DPP6: variants seen among roughly 807,000 people sequenced by gnomAD.
DPP6 encodes dipeptidyl peptidase like 6.
Under a neutral mutation model 122.6 loss-of-function variants are expected in DPP6, and 69 were observed. The ratio of observed to expected loss-of-function variants is 0.56; its 90% CI spans 0.46 to 0.69. The LOEUF is 0.69. Ranked by LOEUF, DPP6 falls within the 30% of genes least tolerant of loss-of-function variation. The probability of loss-of-function intolerance (pLI) is 0.00; values close to 1 mark genes in which losing one functional copy is unlikely to be tolerated. For synonymous variants in DPP6, 418 were observed against 433.1 expected (o/e 0.97, Z 0.43); for missense variants, 928 against 1,116.9 (o/e 0.83, Z 2.41).
rs529221895 is a variant in DPP6, at chr7:154,830,295, C to A, written c.1666+23183C>A. Among the ~76,000 whole-genome samples, 10 of 152,274 alleles carry A rather than the reference C, an allele frequency of 6.6e-5. No individual in the cohort carries two copies. In the East Asian group the frequency reaches 1.9e-3, roughly 29 times the overall value. On this transcript the variant is annotated intron_variant, in intron 16 of 25. Transcript: ENST00000377770. ...TGCTCTCACAAGGTCTCTGCTCAGC[C>A]ACTAATTGCCACAAGTTCCAGGAAG...
chr7:154,398,730 C>G (rs184815800), intron 1 of DPP6, among the ~76,000 whole-genome samples: 5 of 152,184 alleles, frequency 3.3e-5, no homozygotes, highest in African/African-American at 1.2e-4. Flanking sequence ...CCCAGAGTAC[C>G]AGACTCTGGT....
At position 154,823,233 on chromosome 7, in the gene DPP6, A is replaced by G. The variant is rs140331379; in HGVS notation, c.1666+16121A>G. 8.5e-5 allele frequency among the ~76,000 whole-genome samples: 13 copies of G among 152,358 alleles called. No homozygotes were observed. The East Asian group carries it at 2.5e-3, about 29-fold the overall frequency. Reference sequence around the variant, plus strand: ...CACTGATTTAATTTTTTAAACAGAAATGTTGTAAACAATGAAAGAGAATCA... The same window carrying G: ...CACTGATTTAATTTTTTAAACAGAAGTGTTGTAAACAATGAAAGAGAATCA... On this transcript the variant is annotated intron_variant, in intron 16 of 25. Coordinates refer to ENST00000377770, the MANE Select transcript of DPP6 (RefSeq NM_130797.4).
At chr7:154,810,875 C>T (rs186147625) in intron 16 of DPP6, among the ~76,000 whole-genome samples, 200 of 152,290 alleles carry the variant, frequency 1.3e-3, no homozygotes, top group African/African-American at 4.7e-3. Context: ...TGCCTGGATC[C>T]CTATAATAAT....
At chr7:153,858,019 T>A in the DPP6 span, among the ~76,000 whole-genome samples, 3 of 152,236 alleles carry the variant, frequency 2.0e-5, no homozygotes, top group East Asian at 5.8e-4. Flanking sequence ...ATTTACATAC[T>A]GATGTACTTG....
At chr7:154,868,247 T>C (rs1436090416) in intron 18 of DPP6, among the ~76,000 whole-genome samples, 154 bp downstream of exon 18, 1 of 152,156 alleles carries the variant, frequency 6.6e-6, no homozygotes, top group African/African-American at 2.4e-5. Context: ...TGGAGTGTCT[T>C]GTGTTCAGAA....
intron 3 of DPP6, among the ~76,000 whole-genome samples, chr7:154,521,616 A>G (rs1826988236): frequency 6.6e-6 from 1 of 152,222 alleles, no homozygotes; most frequent in Admixed American, 6.5e-5. Flanking sequence ...ATTAAGTGAA[A>G]TTGAAAGCCA....
chr7:154,807,190 G>T, intron 16 of DPP6, 78 bp downstream of exon 16: 2 of 1,549,452 alleles, frequency 1.3e-6, no homozygotes, highest in Non-Finnish European at 1.7e-6. Flanking sequence ...CACTTGCAGG[G>T]AGGGGGCAGC....
intron 1 of DPP6, among the ~76,000 whole-genome samples, chr7:153,948,099 A>T (rs1802030996): frequency 6.6e-6 from 1 of 152,194 alleles, no homozygotes; most frequent in South Asian, 2.1e-4. Flanking sequence ...ATAAGCTCAT[A>T]TTCTGAGGTA....
At chr7:154,432,118 CA>C (rs1268700024) in intron 1 of DPP6, among the ~76,000 whole-genome samples, 3 of 152,124 alleles carry the variant, frequency 2.0e-5, no homozygotes, top group Non-Finnish European at 4.4e-5. Context: ...AAATGAAGAG[CA>C]AAAATCACAG....
chr7:154,542,400 G>C (rs903363043), intron 4 of DPP6, among the ~76,000 whole-genome samples: 2 of 152,186 alleles, frequency 1.3e-5, no homozygotes, highest in Non-Finnish European at 2.9e-5. Flanking sequence ...TTTAATGTCG[G>C]AATGTTATCA....
chr7:154,434,563 T>C (rs1818704982), intron 1 of DPP6, among the ~76,000 whole-genome samples: 1 of 152,150 alleles, frequency 6.6e-6, no homozygotes. Context: ...TGTCTTCATA[T>C]TCCTTCTCTT....
chr7:154,503,524 A>T (rs1825422821), intron 3 of DPP6, among the ~76,000 whole-genome samples: 1 of 152,204 alleles, frequency 6.6e-6, no homozygotes, highest in Non-Finnish European at 1.5e-5. Context: ...GGCCACCATA[A>T]ATGACATTAA....
the DPP6 span, among the ~76,000 whole-genome samples, chr7:153,795,749 TA>T: frequency 2.0e-5 from 3 of 151,880 alleles, no homozygotes; most frequent in Non-Finnish European, 4.4e-5. Flanking sequence ...AATTTCCTTC[TA>T]AAAATTGCTT....
rs181647247 is a variant in DPP6 at position 154,851,902 on chromosome 7, A to G, written c.1667-1878A>G. Among the ~76,000 whole-genome samples the G allele has an allele frequency of 3.9e-4, 59 of 152,246 alleles. No homozygotes were observed. The East Asian group carries it at 8.9e-3, about 23-fold the overall frequency. On this transcript the variant is annotated intron_variant, in intron 16 of 25. Coordinates refer to ENST00000377770, the MANE Select transcript of DPP6 (RefSeq NM_130797.4). ...GGCCCTGGACTCCTGGACTTTGTGC[A>G]TGGGGTAGAGACTGGATCCAGTCCT...
intron 16 of DPP6, among the ~76,000 whole-genome samples, chr7:154,816,598 A>G (rs1353330453): frequency 1.1e-5 from 1 of 90,476 alleles, no homozygotes; most frequent in Non-Finnish European, 2.5e-5. Flanking sequence ...TGAGTGTTTA[A>G]TAATAAGTGT....
At chr7:154,251,240 C>T (rs181903397) in intron 1 of DPP6, among the ~76,000 whole-genome samples, 7 of 152,212 alleles carry the variant, frequency 4.6e-5, no homozygotes, top group South Asian at 2.1e-4. Flanking sequence ...GGATGTTTCA[C>T]GGGAGCTACT....
At chr7:153,991,180 G>A (rs563881022) in intron 1 of DPP6, among the ~76,000 whole-genome samples, 5 of 152,194 alleles carry the variant, frequency 3.3e-5, no homozygotes, top group Non-Finnish European at 5.9e-5. Context: ...AGCACACACC[G>A]GCTTTTGGAA....
intron 7 of DPP6, among the ~76,000 whole-genome samples, chr7:154,715,394 A>G (rs1841426574): frequency 6.6e-6 from 1 of 152,182 alleles, no homozygotes; most frequent in South Asian, 2.1e-4. Flanking sequence ...AAAAAGGAAT[A>G]TTTGTTGAGC....
chr7:154,072,730 T>C (rs1323261070), intron 1 of DPP6, among the ~76,000 whole-genome samples: 1 of 152,264 alleles, frequency 6.6e-6, no homozygotes, highest in Admixed American at 6.5e-5. Flanking sequence ...CTGGAACCTG[T>C]GCCCGTTTGT....
Sources: gnomAD v4.1 joint callset for allele counts (sites outside exome capture counted in the v4.1 genomes callset) on GRCh38, gnomAD v4.1.1 for gene constraint, MANE v1.5 for transcripts, NCBI Gene and HGNC (gene_info 2026-07-23, HGNC 2026-07-21) for gene names.